Variants in RMND1 observed in about 807,000 individuals in gnomAD.
RMND1 encodes required for meiotic nuclear division 1 homolog, also known as required for meiotic nuclear division protein 1 homolog.
RMND1 carries 41 observed loss-of-function variants against 54.0 expected under a neutral mutation model. That is an observed-to-expected ratio of 0.76 (90% CI 0.59 to 0.98). RMND1 has a LOEUF of 0.98. Ranked by LOEUF, RMND1 falls within the 50% of genes least tolerant of loss-of-function variation. The pLI is 0.00. For missense variants in RMND1, 457 were observed against 532.0 expected (o/e 0.86, Z 1.39); for synonymous variants, 183 against 181.7 (o/e 1.01, Z -0.06).
chr6:151,406,827 T>C lies in RMND1; in HGVS notation c.1201-991A>G, dbSNP rs867096314. On this transcript the variant is annotated intron_variant, in intron 10 of 11. Coordinates refer to ENST00000444024, the MANE Select transcript of RMND1 (RefSeq NM_017909.4). The stretch of plus-strand genomic sequence containing the variant: ...GTGTTCAGGGGTTGATTGGAATGCG[T>C]TAACTGCACCATGTTACGATTTTTG... Among the ~76,000 whole-genome samples, 14 of 152,268 alleles carry C rather than the reference T, an allele frequency of 9.2e-5. No individual in the cohort carries two copies. The South Asian group carries it at 1.5e-3, about 16-fold the overall frequency.
intron 1 of RMND1, among the ~76,000 whole-genome samples, chr6:151,447,060 T>A (rs1310237422): frequency 6.6e-6 from 1 of 152,086 alleles, no homozygotes; most frequent in African/African-American, 2.4e-5. Context: ...GAAAGGAGCA[T>A]GTGAAGAGTG....
chr6:151,417,124 A>G, intron 10 of RMND1, 155 bp downstream of exon 10: 1 of 748,680 alleles, frequency 1.3e-6, no homozygotes, highest in Non-Finnish European at 2.1e-6. Flanking sequence ...CCTTTGACAC[A>G]AAAAATTGAA....
At chr6:151,435,606 A>G (rs1363947058) in intron 3 of RMND1, among the ~76,000 whole-genome samples, 3 of 150,874 alleles carry the variant, frequency 2.0e-5, no homozygotes, top group African/African-American at 7.3e-5. Context: ...TTTAGTAGAG[A>G]CAGGGGTTTC....
In RMND1 at chr6:151,430,193, AAAAG is replaced by A; in HGVS notation, c.690-20_690-17del. 1 of 1,574,668 alleles carries A rather than the reference AAAAG, an allele frequency of 6.4e-7. No homozygotes were observed. The highest frequency in any genetic ancestry group is 8.7e-7 in the Non-Finnish European group (1 of 1,146,146). Reference sequence around the variant, plus strand: ...AGCTCCTTCCCTGATTTAAAAAAATAAAAGAAACAACTAAGATACAGATGGAATA... The same window carrying A: ...AGCTCCTTCCCTGATTTAAAAAAATAAAACAACTAAGATACAGATGGAATA... On this transcript the variant is annotated splice_polypyrimidine_tract_variant and intron_variant, in intron 4 of 11. Coordinates refer to ENST00000444024, the MANE Select transcript of RMND1 (RefSeq NM_017909.4).
chr6:151,434,318 C>A (rs551638993), intron 3 of RMND1, among the ~76,000 whole-genome samples: 1 of 147,376 alleles, frequency 6.8e-6, no homozygotes, highest in African/African-American at 2.5e-5. Flanking sequence ...TATGTCTTAA[C>A]GGAATTAACA....
At chr6:151,415,804 A>AG (rs1022710153) in intron 10 of RMND1, among the ~76,000 whole-genome samples, 12 of 151,840 alleles carry the variant, frequency 7.9e-5, no homozygotes, top group Middle Eastern at 6.8e-3. Context: ...AAAAAAAAAA[A>AG]AAAAAAAAAG....
At chr6:151,432,020 T>A (rs1416139926) in intron 4 of RMND1, among the ~76,000 whole-genome samples, 1 of 148,952 alleles carries the variant, frequency 6.7e-6, no homozygotes. Flanking sequence ...ACCACAACCA[T>A]CGCCTCCCGC....
rs6904364 is a variant in RMND1 at position 151,433,138 on chromosome 6, T to C, written c.689+17A>G. 650,870 of 1,568,352 alleles carry C rather than the reference T, an allele frequency of 0.42. 139,235 individuals carry two copies. Among genetic ancestry groups the C allele is most frequent in the East Asian group, 0.69 (30,594 of 44,344 alleles). ...CCAAACCCATCATCACCTAATGGGG[T>C]TTCTTTCCTGTCTTACCTGAAGAAG... On this transcript the variant is annotated intron_variant, in intron 4 of 11. Transcript: ENST00000444024.
intron 4 of RMND1, among the ~76,000 whole-genome samples, chr6:151,431,835 T>C (rs925635851): frequency 6.6e-6 from 1 of 152,100 alleles, no homozygotes; most frequent in African/African-American, 2.4e-5. Context: ...AGAAACATAT[T>C]TGTGTTGTTC....
chr6:151,425,480 G>A (rs552105842), intron 6 of RMND1, among the ~76,000 whole-genome samples: 4 of 152,250 alleles, frequency 2.6e-5, no homozygotes, highest in South Asian at 2.1e-4. Flanking sequence ...GGGTCTAGCA[G>A]TAGTTGGATA....
Position 151,435,530 on chromosome 6 carries a change from TTTAA to T in RMND1, c.613+912_613+915del, listed in dbSNP as rs201278728. Reference sequence around the variant, plus strand: ...CATAAAAATCCTCAATTAAGTTCATTTTAATTTTCTTCTTTTTCATTTTTATCTT... The same window carrying T: ...CATAAAAATCCTCAATTAAGTTCATTTTTTCTTCTTTTTCATTTTTATCTT... On this transcript the variant is annotated intron_variant, in intron 3 of 11. Transcript: ENST00000444024. Among the ~76,000 whole-genome samples, 1,210 of 151,978 alleles carry T rather than the reference TTTAA, an allele frequency of 8.0e-3. 15 individuals carry two copies. The highest frequency in any genetic ancestry group is 0.025 in the African/African-American group (1,019 of 41,444).
intron 2 of RMND1, among the ~76,000 whole-genome samples, chr6:151,440,020 G>A (rs1366625970): frequency 1.3e-5 from 2 of 151,816 alleles, no homozygotes; most frequent in African/African-American, 2.4e-5. Flanking sequence ...GCAGTGGTGC[G>A]ATCTCAGCTC....
chr6:151,410,285 G>C (rs1342566299), intron 10 of RMND1, among the ~76,000 whole-genome samples: 1 of 152,106 alleles, frequency 6.6e-6, no homozygotes, highest in Non-Finnish European at 1.5e-5. Context: ...TGGATCTCCT[G>C]ACCTTGTGAT....
At chr6:151,422,153 T>G (rs1056467669) in intron 8 of RMND1, among the ~76,000 whole-genome samples, 4 of 152,194 alleles carry the variant, frequency 2.6e-5, no homozygotes, top group African/African-American at 9.7e-5. Flanking sequence ...GTTCTGCAAC[T>G]GCAGATTCAA....
At chr6:151,426,662 T>C (rs967316465) in intron 6 of RMND1, among the ~76,000 whole-genome samples, 1 of 152,226 alleles carries the variant, frequency 6.6e-6, no homozygotes, top group East Asian at 1.9e-4. Flanking sequence ...TTTGGGGCTA[T>C]ACTACTGACT....
At chr6:151,415,262 T>C (rs1418938439) in intron 10 of RMND1, among the ~76,000 whole-genome samples, 7 of 151,014 alleles carry the variant, frequency 4.6e-5, no homozygotes, top group African/African-American at 1.7e-4. Flanking sequence ...GGTAAAGGAA[T>C]ATAAAAGAAA....
rs1315988388 is a variant in RMND1, at chr6:151,405,838, T to A, written c.1201-2A>T. Reference sequence around the variant, plus strand: ...GTGCTGAAGTTTTTCATTCATGACCTATGTAAGAAAAATTTCAGTAACATG... The same window carrying A: ...GTGCTGAAGTTTTTCATTCATGACCAATGTAAGAAAAATTTCAGTAACATG... On this transcript the variant is annotated splice_acceptor_variant, in intron 10 of 11. Transcript: ENST00000444024. LOFTEE classifies it high-confidence loss of function. 1 of 1,537,908 alleles carries A rather than the reference T, an allele frequency of 6.5e-7. No homozygotes were observed. Among genetic ancestry groups the A allele is most frequent in the Non-Finnish European group, 9.0e-7 (1 of 1,111,688 alleles).
intron 10 of RMND1, chr6:151,413,748 C>T (rs1268956797): frequency 6.6e-6 from 1 of 152,198 alleles, no homozygotes. Flanking sequence ...AAATCGGTGT[C>T]TAATTACACC....
At chr6:151,450,128 G>C (rs995891649) in intron 1 of RMND1, among the ~76,000 whole-genome samples, 6 of 151,374 alleles carry the variant, frequency 4.0e-5, no homozygotes, top group Non-Finnish European at 1.5e-5. Flanking sequence ...AGTGAGGAGC[G>C]TCTCTGCCCG....
Sources: gnomAD v4.1 joint callset for allele counts (sites outside exome capture counted in the v4.1 genomes callset) on GRCh38, gnomAD v4.1.1 for gene constraint, MANE v1.5 for transcripts, NCBI Gene and HGNC (gene_info 2026-07-23, HGNC 2026-07-21) for gene names.